ZNF442: variants seen among roughly 807,000 people sequenced by gnomAD.
ZNF442 encodes the protein zinc finger protein 442.
In ZNF442, 45 loss-of-function variants were observed where a neutral mutation model predicts 57.0. The observed-to-expected ratio is 0.79, with a 90% CI of 0.62 to 1.01. The LOEUF is 1.01. Among genes scored for constraint, ZNF442 ranks in the 50% least tolerant of loss-of-function variants. The pLI, the probability that ZNF442 is intolerant of heterozygous loss-of-function variation, is 0.00. For synonymous variants in ZNF442, 213 were observed against 241.8 expected (o/e 0.88, Z 1.10); for missense variants, 690 against 756.5 (o/e 0.91, Z 1.03).
In ZNF442 at chr19:12,350,941, C is replaced by T. The variant is rs1969222831; in HGVS notation, c.644G>A (p.Gly215Glu). 6.2e-7 allele frequency: 1 copy of T among 1,614,164 alleles called. No individual in the cohort carries two copies. The change falls in exon 6 of 6, where the codon GGG (glycine) becomes GAG (glutamate). Residue 215 changes from glycine (G) to glutamate (E), a missense_variant. Physicochemically the swap from Gly to Glu is moderately conservative, Grantham distance 98 (BLOSUM62 -2). Transcript: ENST00000242804. ...GGGPYICKLC[G>E]KAFFWPSLFR... ...TAAACTAGGCCAAAAAAAGGCTTTC[C>T]CACACAACTTACATATATAAGGTCC...
intron 2 of ZNF442, among the ~76,000 whole-genome samples, chr19:12,364,037 G>GT (rs200784506): frequency 1.1e-4 from 16 of 152,170 alleles, no homozygotes; most frequent in African/African-American, 2.6e-4. Context: ...TTTTTTGTTT[G>GT]TTTTTTTGTT....
chr19:12,360,080 GCCCAACCTT>G (rs1969398260), intron 3 of ZNF442, among the ~76,000 whole-genome samples: 1 of 151,904 alleles, frequency 6.6e-6, no homozygotes, highest in African/African-American at 2.4e-5. Context: ...GAACTTTTCT[GCCCAACCTT>G]AGAGATGCCT....
Position 12,350,140 on chromosome 19 carries a change from T to G in ZNF442, c.1445A>C (p.His482Pro). Residue 482 changes from histidine (H) to proline (P), a missense_variant, in exon 6 of 6, where the codon CAC (histidine) becomes CCC (proline). Physicochemically the swap from His to Pro is moderately conservative, Grantham distance 77. Coordinates refer to ENST00000242804, the MANE Select transcript of ZNF442 (RefSeq NM_030824.3). ...ACACTCATATGGCTTCTCTCCAGTG[T>G]GAGTTGTTTCATGATTTTGAAAGGA... ...FYSFQNHETTHTGEKPYECKE... is the reference protein window; with the variant it reads ...FYSFQNHETTPTGEKPYECKE... The G allele has an allele frequency of 6.2e-7, 1 of 1,614,086 alleles. No homozygotes were observed. Among genetic ancestry groups the G allele is most frequent in the Non-Finnish European group, 8.5e-7 (1 of 1,180,002 alleles).
rs115425667 is a variant in ZNF442, at chr19:12,351,827, G to A, written c.266+183C>T. On this transcript the variant is annotated intron_variant, in intron 5 of 5. Coordinates refer to ENST00000242804, the MANE Select transcript of ZNF442 (RefSeq NM_030824.3). Reference sequence around the variant, plus strand: ...CGAATTCTTAATATTGTTTCTAAGGGAACTATTTTTGCAAACACTGAATAG... The same window carrying A: ...CGAATTCTTAATATTGTTTCTAAGGAAACTATTTTTGCAAACACTGAATAG... 2,472 of 537,202 alleles carry A rather than the reference G, an allele frequency of 4.6e-3. 40 individuals are homozygous for A. Among genetic ancestry groups the A allele is most frequent in the African/African-American group, 0.043 (2,249 of 52,456 alleles). The allele number at this position is 537,202 out of a possible 1,614,324, so 33.3% of individuals were successfully genotyped here. A position where few individuals can be genotyped will look rare whatever the true frequency, so the allele number is the denominator to read the frequency against.
chr19:12,363,799 TCA>T, intron 2 of ZNF442, 128 bp from the exon 3 acceptor site: 1 of 615,302 alleles, frequency 1.6e-6, no homozygotes. Flanking sequence ...CCCCAACACC[TCA>T]GGCTGCTCAC....
chr19:12,363,299 G>C (rs1026640319), intron 3 of ZNF442, among the ~76,000 whole-genome samples: 6 of 151,732 alleles, frequency 4.0e-5, no homozygotes, highest in Admixed American at 1.3e-4. Flanking sequence ...AAGCTGAAAA[G>C]AGTGAGTATC....
chr19:12,366,297 T>C (rs1450942284), upstream of ZNF442, among the ~76,000 whole-genome samples: 1 of 152,140 alleles, frequency 6.6e-6, no homozygotes, highest in Admixed American at 6.5e-5. Flanking sequence ...AAAACCTGAA[T>C]TAGTTCAGAG....
intron 3 of ZNF442, among the ~76,000 whole-genome samples, chr19:12,359,693 T>C (rs568908245): frequency 2.4e-4 from 37 of 152,210 alleles, no homozygotes; most frequent in Middle Eastern, 3.4e-3. Flanking sequence ...TAGAATCTGA[T>C]TCTCGGCCCG....
intron 3 of ZNF442, among the ~76,000 whole-genome samples, chr19:12,361,138 C>A (rs1049006933): frequency 6.6e-6 from 1 of 152,158 alleles, no homozygotes; most frequent in African/African-American, 2.4e-5. Context: ...TTGCAGTGAG[C>A]CGAGATTGTG....
chr19:12,373,014 T>C, the ZNF442 span, among the ~76,000 whole-genome samples: 44 of 152,246 alleles, frequency 2.9e-4, no homozygotes, highest in Middle Eastern at 0.01. Flanking sequence ...CATCGTGATC[T>C]GCCCGCCTTG....
chr19:12,372,452 T>A, the ZNF442 span, among the ~76,000 whole-genome samples: 1 of 149,086 alleles, frequency 6.7e-6, no homozygotes, highest in Non-Finnish European at 1.5e-5. Context: ...AGAGCAAGAC[T>A]CCATCTCCAA....
upstream of ZNF442, among the ~76,000 whole-genome samples, chr19:12,366,649 G>C (rs1969534959): frequency 6.6e-6 from 1 of 151,526 alleles, no homozygotes; most frequent in Admixed American, 6.6e-5. Context: ...TATTTTTTTG[G>C]AGACGGAGTC....
Position 12,349,640 on chromosome 19 carries a change from T to C in ZNF442, c.*61A>G, listed in dbSNP as rs571923123. 4.3e-4 allele frequency: 649 copies of C among 1,499,720 alleles called. No homozygotes were observed. The highest frequency in any genetic ancestry group is 5.2e-4 in the Non-Finnish European group (583 of 1,112,840). The allele number at this position is 1,499,720 out of a possible 1,614,324, so 92.9% of individuals were successfully genotyped here. Reference sequence around the variant, plus strand: ...TGTGTTTGCATTCATGAGGCTTATCTCCTATGTGATTTCTTTCACGTTTCT... The same window carrying C: ...TGTGTTTGCATTCATGAGGCTTATCCCCTATGTGATTTCTTTCACGTTTCT... On this transcript the variant is annotated 3_prime_UTR_variant, in exon 6 of 6. Transcript: ENST00000242804.
chr19:12,352,619 T>A (rs1051020225), intron 4 of ZNF442, among the ~76,000 whole-genome samples: 4 of 152,248 alleles, frequency 2.6e-5, no homozygotes, highest in Non-Finnish European at 5.9e-5. Flanking sequence ...GATGAAAACC[T>A]TTATGATGAT....
upstream of ZNF442, among the ~76,000 whole-genome samples, chr19:12,370,135 A>G (rs970094613): frequency 1.9e-4 from 29 of 151,752 alleles, no homozygotes; most frequent in African/African-American, 6.3e-4. Context: ...GTAATATATA[A>G]TGATGTAATT....
rs1599585888 is a variant in ZNF442 at position 12,350,385 on chromosome 19, A to G, written c.1200T>C (p.Thr400=). ...CCTTGCATTTGTGAGGTCCATCTCCAGTGTGCATTATCATATGACTTCGAA... is the reference window on the plus strand; with the variant it reads ...CCTTGCATTTGTGAGGTCCATCTCCGGTGTGCATTATCATATGACTTCGAA... ...SSFRSHMIMH[T]GDGPHKCKVC... The change falls in exon 6 of 6, where the codon ACT becomes ACC. Residue 400 remains threonine (T), a synonymous_variant. Transcript: ENST00000242804. 7 of 1,613,850 alleles carry G rather than the reference A, an allele frequency of 4.3e-6. No homozygotes were observed. The highest frequency in any genetic ancestry group is 5.9e-6 in the Non-Finnish European group (7 of 1,180,008).
Position 12,351,416 on chromosome 19 carries a change from C to T in ZNF442, c.267-98G>A, listed in dbSNP as rs1400780277. The T allele has an allele frequency of 7.1e-6, 8 of 1,124,990 alleles. 1 individual carries two copies. In the Admixed American group the frequency reaches 1.0e-4, roughly 15 times the overall value. The allele number at this position is 1,124,990 out of a possible 1,614,324, so 69.7% of individuals were successfully genotyped here. On this transcript the variant is annotated intron_variant, in intron 5 of 5. Transcript: ENST00000242804. Reference sequence around the variant, plus strand: ...TTTACATTTTTACATCATCATGCAACGTGTAGGCTTCATGCACTGCTTGAA... The same window carrying T: ...TTTACATTTTTACATCATCATGCAATGTGTAGGCTTCATGCACTGCTTGAA...
intron 4 of ZNF442, among the ~76,000 whole-genome samples, chr19:12,352,274 A>C (rs150910894): frequency 1.3e-5 from 2 of 151,956 alleles, no homozygotes; most frequent in African/African-American, 2.4e-5. Context: ...CTGGAGTGCA[A>C]TGGTGCAATC....
At chr19:12,354,987 A>T (rs1969302388) in intron 3 of ZNF442, among the ~76,000 whole-genome samples, 2 of 152,086 alleles carry the variant, frequency 1.3e-5, no homozygotes, top group Non-Finnish European at 2.9e-5. Flanking sequence ...TGAGAAAAAA[A>T]ATACGTATTA....
Sources: gnomAD v4.1 joint callset for allele counts (sites outside exome capture counted in the v4.1 genomes callset) on GRCh38, gnomAD v4.1.1 for gene constraint, MANE v1.5 for transcripts, NCBI Gene and HGNC (gene_info 2026-07-23, HGNC 2026-07-21) for gene names.